Variants in ABCA13 observed in about 807,000 individuals in gnomAD.
ABCA13 encodes ATP binding cassette subfamily A member 13.
ABCA13 carries 476 observed loss-of-function variants against 478.7 expected under a neutral mutation model. The observed-to-expected ratio is 0.99, with a 90% confidence interval of 0.92 to 1.07. The LOEUF is 1.07. ABCA13 is among the 50% of genes least tolerant of loss of function. The pLI is 0.00. For synonymous variants in ABCA13, 2,252 were observed against 2,158.9 expected (o/e 1.04, Z -1.20); for missense variants, 6,060 against 5,910.6 (o/e 1.03, Z -0.83).
At chr7:48,382,452 G>T (rs1005098776) in intron 35 of ABCA13, among the ~76,000 whole-genome samples, 11 of 152,168 alleles carry the variant, frequency 7.2e-5, no homozygotes, top group Non-Finnish European at 1.0e-4. Flanking sequence ...GAGTTGGGGG[G>T]CAGTCTTCAA....
At chr7:48,559,372 T>G (rs1447710667) in intron 55 of ABCA13, among the ~76,000 whole-genome samples, 1 of 152,026 alleles carries the variant, frequency 6.6e-6, no homozygotes, top group Non-Finnish European at 1.5e-5. Context: ...AGCCCAAGAA[T>G]CAGCTTGTGA....
chr7:48,580,977 C>G (rs1788649339), intron 56 of ABCA13, among the ~76,000 whole-genome samples: 1 of 152,058 alleles, frequency 6.6e-6, no homozygotes. Context: ...AAGACAGCTG[C>G]CACTTCTTCT....
At chr7:48,230,914 G>T (rs1018465061) in intron 7 of ABCA13, among the ~76,000 whole-genome samples, 13 of 152,106 alleles carry the variant, frequency 8.5e-5, no homozygotes, top group African/African-American at 3.1e-4. Flanking sequence ...CACTTCCCCA[G>T]AGAGTGGGAA....
At chr7:48,592,300 T>C (rs1348782999) in intron 57 of ABCA13, among the ~76,000 whole-genome samples, 1 of 151,956 alleles carries the variant, frequency 6.6e-6, no homozygotes, top group Non-Finnish European at 1.5e-5. Context: ...GATACATGTA[T>C]TTTTTAAAAT....
intron 42 of ABCA13, among the ~76,000 whole-genome samples, chr7:48,454,758 GGTGTGTC>G (rs1287131518): frequency 6.6e-6 from 1 of 151,708 alleles, no homozygotes; most frequent in African/African-American, 2.4e-5. Context: ...GAGCAGCCCA[GGTGTGTC>G]GTCCGCTCTA....
At chr7:48,199,203 T>A (rs1261653935) in intron 3 of ABCA13, among the ~76,000 whole-genome samples, 1 of 152,252 alleles carries the variant, frequency 6.6e-6, no homozygotes, top group Non-Finnish European at 1.5e-5. Context: ...AATTAAAAGT[T>A]TCCAGATAAT....
intron 13 of ABCA13, among the ~76,000 whole-genome samples, chr7:48,247,633 G>A (rs1791900858): frequency 6.6e-6 from 1 of 152,078 alleles, no homozygotes; most frequent in South Asian, 2.1e-4. Context: ...TGGCCGTGAG[G>A]GCTGGAGTCT....
At chr7:48,472,761 A>T (rs1251350525) in intron 45 of ABCA13, among the ~76,000 whole-genome samples, 2 of 152,306 alleles carry the variant, frequency 1.3e-5, no homozygotes, top group East Asian at 1.9e-4. Flanking sequence ...CATTTCCATA[A>T]GGCACGAATC....
At chr7:48,268,917 C>G (rs1271014430) in intron 15 of ABCA13, 63 bp from the exon 16 acceptor site, 5 of 478,432 alleles carry the variant, frequency 1.0e-5, no homozygotes, top group Non-Finnish European at 1.4e-5. Context: ...GCATTTTTCA[C>G]TTTATTAGAT....
At chr7:48,644,819 A>G in intron 61 of ABCA13, 65 bp downstream of exon 61, 1 of 1,416,908 alleles carries the variant, frequency 7.1e-7, no homozygotes, top group Non-Finnish European at 9.4e-7. Flanking sequence ...AATGTAGCCA[A>G]TTTTAAAATT....
intron 48 of ABCA13, among the ~76,000 whole-genome samples, chr7:48,501,446 G>C (rs943285622): frequency 6.6e-6 from 1 of 152,124 alleles, no homozygotes; most frequent in Non-Finnish European, 1.5e-5. Context: ...AGATCAGTGT[G>C]TTCTTTAATA....
Position 48,427,853 on chromosome 7 carries a change from G to A in ABCA13, c.12547G>A (p.Gly4183Arg), listed in dbSNP as rs1821644084. Residue 4183 changes from glycine to arginine, a missense_variant, in exon 42 of 62, where the codon GGA (glycine) becomes AGA (arginine). Coordinates refer to ENST00000435803, the MANE Select transcript of ABCA13 (RefSeq NM_152701.5). ...AGAGCTGCAGAACCACAGGCCTACA[G>A]GACATCTGTCTGGCTACTGTAAGTA... ...ESELQNHRPT[G>R]HLSGYCGSLA... 17 of 1,606,492 alleles carry A rather than the reference G, an allele frequency of 1.1e-5. No homozygotes were observed. The highest frequency in any genetic ancestry group is 1.4e-5 in the Non-Finnish European group (17 of 1,177,254).
At chr7:48,395,711 C>T (rs147691366) in intron 38 of ABCA13, among the ~76,000 whole-genome samples, 2 of 152,306 alleles carry the variant, frequency 1.3e-5, no homozygotes, top group African/African-American at 4.8e-5. Flanking sequence ...AGTTTCTCTT[C>T]TTTAAGCTTT....
At chr7:48,607,234 C>G (rs1313560126) in intron 58 of ABCA13, among the ~76,000 whole-genome samples, 1 of 152,184 alleles carries the variant, frequency 6.6e-6, no homozygotes, top group Admixed American at 6.5e-5. Flanking sequence ...AGCGCAGTAT[C>G]TGGGCCGGAG....
intron 56 of ABCA13, 126 bp downstream of exon 56, chr7:48,580,500 T>A (rs1788607203): frequency 2.5e-6 from 2 of 800,448 alleles, no homozygotes; most frequent in African/African-American, 3.5e-5. Flanking sequence ...TAAACTTACC[T>A]GCAAGAGATT....
chr7:48,378,504 A>G (rs17172282), intron 35 of ABCA13, among the ~76,000 whole-genome samples: 36,378 of 152,068 alleles, frequency 0.24, 4,825 homozygotes, highest in African/African-American at 0.35. Context: ...TATTCGACTG[A>G]GGAAACCGTG....
intron 57 of ABCA13, among the ~76,000 whole-genome samples, chr7:48,589,878 T>C (rs776492574): frequency 3.6e-4 from 55 of 152,194 alleles, no homozygotes; most frequent in Non-Finnish European, 7.2e-4. Flanking sequence ...CAGGTCCTTT[T>C]ATAAGGTCAC....
chr7:48,469,896 G>T (rs150772488), intron 44 of ABCA13, among the ~76,000 whole-genome samples: 2,600 of 151,496 alleles, frequency 0.017, 76 homozygotes, highest in African/African-American at 0.059. Flanking sequence ...TTCCAGCCTG[G>T]GCAACAGGGT....
intron 16 of ABCA13, among the ~76,000 whole-genome samples, chr7:48,269,605 G>A (rs1795330878): frequency 6.6e-6 from 1 of 152,174 alleles, no homozygotes; most frequent in African/African-American, 2.4e-5. Context: ...GGTATACTCG[G>A]TTATTTGTGG....
Sources: allele counts gnomAD v4.1 joint callset (sites outside exome capture counted in the v4.1 genomes callset), GRCh38; gene constraint gnomAD v4.1.1; transcripts MANE v1.5; gene names NCBI Gene and HGNC (gene_info 2026-07-23, HGNC 2026-07-21).